Variants in SYNE1 observed in about 807,000 individuals in gnomAD.
SYNE1 encodes the protein spectrin repeat containing nuclear envelope protein 1, also known as nesprin-1.
SYNE1 carries 616 observed loss-of-function variants against 1,111.0 expected under a neutral mutation model. That is an observed-to-expected ratio of 0.55 (90% CI 0.52 to 0.59). The LOEUF (loss-of-function observed/expected upper bound fraction) is 0.59, where lower values mean the gene tolerates loss of function less well. SYNE1 is among the 20% of genes least tolerant of loss of function. The pLI is 0.00. For synonymous variants in SYNE1, 3,855 were observed against 3,825.8 expected (o/e 1.01, Z -0.28); for missense variants, 10,006 against 10,417.0 (o/e 0.96, Z 1.72).
At chr6:152,622,270 T>C (rs2099677090) in intron 3 of SYNE1, among the ~76,000 whole-genome samples, 1 of 152,206 alleles carries the variant, frequency 6.6e-6, no homozygotes, top group Admixed American at 6.5e-5. Context: ...ATAAAGTTTT[T>C]TAAACTTTTA....
chr6:152,435,688 G>C (rs1433526725), intron 33 of SYNE1: 4 of 571,626 alleles, frequency 7.0e-6, no homozygotes, highest in Non-Finnish European at 1.2e-5. Context: ...GAATAGAATA[G>C]ATATGGCTTT....
chr6:152,351,532 A>C (rs2096740383), intron 70 of SYNE1, among the ~76,000 whole-genome samples: 1 of 152,218 alleles, frequency 6.6e-6, no homozygotes, highest in Admixed American at 6.5e-5. Context: ...CCACATCACT[A>C]TTTATTCTTT....
At chr6:152,481,529 C>A (rs1463166755) in intron 14 of SYNE1, 1 of 452,502 alleles carries the variant, frequency 2.2e-6, no homozygotes, top group South Asian at 1.6e-5. Flanking sequence ...AAGAAACATG[C>A]ACATGTACCC....
chr6:152,330,752 G>A lies in SYNE1; in HGVS notation c.13933C>T (p.Leu4645=). ...TTAAATTGTCGAGGCAAAGCATTTAGCTTTTCACTGAGGTAGGAATGATCG... is the reference window on the plus strand; with the variant it reads ...TTAAATTGTCGAGGCAAAGCATTTAACTTTTCACTGAGGTAGGAATGATCG... ...EVDHSYLSEK[L]NALPRQFNVI... Residue 4645 remains leucine (L), a synonymous_variant, in exon 78 of 146, where the codon CTA becomes TTA. Transcript: ENST00000367255. The A allele has an allele frequency of 6.2e-7, 1 of 1,613,970 alleles. No homozygotes were observed. The highest frequency in any genetic ancestry group is 8.5e-7 in the Non-Finnish European group (1 of 1,180,034).
chr6:152,471,599 C>T lies in SYNE1; in HGVS notation c.1630G>A (p.Val544Met), dbSNP rs200106199. The change falls in exon 16 of 146, where the codon GTG (valine) becomes ATG (methionine). Residue 544 changes from valine to methionine, a missense_variant and splice_region_variant. Val to Met is a conservative substitution (Grantham distance 21). Around this residue, in one of 7 missense-constraint regions of SYNE1, gnomAD observed 1,971 missense variants for 2,084.1 expected, o/e 0.95. Transcript: ENST00000367255. ...ESVEQLLQNY[V>M]SFIENSKFFE... ...CTGTCAAAGCACGGGGGACTCACCA[C>T]GTAGTTTTGTAGAAGCTGCTCCACT... 5 of 1,613,782 alleles carry T rather than the reference C, an allele frequency of 3.1e-6. No individual in the cohort carries two copies. In the African/African-American group the frequency reaches 4.0e-5, roughly 13 times the overall value.
At chr6:152,635,138 G>A (rs552312502) in intron 2 of SYNE1, among the ~76,000 whole-genome samples, 6 of 152,312 alleles carry the variant, frequency 3.9e-5, no homozygotes, top group African/African-American at 1.4e-4. Flanking sequence ...TGGCAAACTA[G>A]CTTTTTCCAA....
Position 152,590,735 on chromosome 6 carries a change from T to C in SYNE1, c.67+37530A>G, listed in dbSNP as rs574537481. 5.9e-5 allele frequency among the ~76,000 whole-genome samples: 9 copies of C among 152,342 alleles called. 1 individual carries two copies. The highest frequency in any genetic ancestry group is 2.2e-4 in the African/African-American group (9 of 41,592). On this transcript the variant is annotated intron_variant, in intron 3 of 145. Transcript: ENST00000367255. ...AGGTTTCCCACCTCCACTCCATTGC[T>C]TATGCTAGTTCTCTGCCTGCCAATG... is the stretch of plus-strand genomic sequence containing the variant.
chr6:152,401,832 T>C (rs1258064339), intron 46 of SYNE1, among the ~76,000 whole-genome samples: 2 of 152,186 alleles, frequency 1.3e-5, no homozygotes. Context: ...CCCTGGATGA[T>C]ATAGCTGAGG....
At chr6:152,382,519 A>G (rs2097438317) in intron 55 of SYNE1, among the ~76,000 whole-genome samples, 1 of 152,220 alleles carries the variant, frequency 6.6e-6, no homozygotes, top group Admixed American at 6.5e-5. Context: ...GAAAGTATTT[A>G]GTATTCAGTT....
At chr6:152,299,368 T>C (rs1159892474) in intron 93 of SYNE1, among the ~76,000 whole-genome samples, 2 of 152,194 alleles carry the variant, frequency 1.3e-5, no homozygotes, top group African/African-American at 4.8e-5. Flanking sequence ...AAAATGAGAA[T>C]TTGAAAAACA....
At chr6:152,377,476 G>C (rs1299926896) in intron 56 of SYNE1, among the ~76,000 whole-genome samples, 1 of 150,782 alleles carries the variant, frequency 6.6e-6, no homozygotes, top group East Asian at 2.0e-4. Flanking sequence ...AGTTGTGGTG[G>C]TGGGCGCCTG....
rs762864343 is a variant in SYNE1, at chr6:152,390,503, T to C, written c.8005-51A>G. On this transcript the variant is annotated intron_variant, in intron 52 of 145. Coordinates refer to ENST00000367255, the MANE Select transcript of SYNE1 (RefSeq NM_182961.4). ...CAGTAGGCATGTAAAAACCTTCTTC[T>C]ATTTTAAAAAAATGGTAGTTTTCCA... The C allele has an allele frequency of 1.1e-5, 17 of 1,583,136 alleles. No individual in the cohort carries two copies. In the Admixed American group the frequency reaches 2.9e-4, roughly 27 times the overall value.
chr6:152,463,100 A>G (rs2098743809), intron 19 of SYNE1, among the ~76,000 whole-genome samples: 1 of 152,206 alleles, frequency 6.6e-6, no homozygotes, highest in Non-Finnish European at 1.5e-5. Flanking sequence ...TATGATTTGA[A>G]ACGAGAATCA....
In SYNE1 at chr6:152,589,113, G is replaced by A. The variant is rs539897216; in HGVS notation, c.67+39152C>T. On this transcript the variant is annotated intron_variant, in intron 3 of 145. Coordinates refer to ENST00000367255, the MANE Select transcript of SYNE1 (RefSeq NM_182961.4). ...GTAGAGACGGGATTTTACCACATTG[G>A]CCAGGCTGGTCTCAAACTCCTGACC... 1.2e-4 allele frequency among the ~76,000 whole-genome samples: 19 copies of A among 152,044 alleles called. No individual in the cohort carries two copies. In the South Asian group the frequency reaches 1.5e-3, roughly 12 times the overall value.
intron 46 of SYNE1, among the ~76,000 whole-genome samples, chr6:152,403,459 A>G (rs1046308265): frequency 6.6e-6 from 1 of 152,174 alleles, no homozygotes; most frequent in African/African-American, 2.4e-5. Flanking sequence ...AGTGGCTCAC[A>G]CCTGTAATCC....
chr6:152,287,889 A>G (rs1357925222), intron 95 of SYNE1, among the ~76,000 whole-genome samples: 1 of 152,180 alleles, frequency 6.6e-6, no homozygotes, highest in Non-Finnish European at 1.5e-5. Flanking sequence ...CCACCAAAAA[A>G]CTTGCTGCAA....
At chr6:152,516,106 T>A (rs13210676) in intron 6 of SYNE1, among the ~76,000 whole-genome samples, 2 of 152,006 alleles carry the variant, frequency 1.3e-5, no homozygotes. Flanking sequence ...AATGCTAAGA[T>A]AATAAGTGGG....
At position 152,255,072 on chromosome 6, in the gene SYNE1, A is replaced by G. The variant is rs772009572; in HGVS notation, c.19278T>C (p.Ile6426=). 6.2e-7 allele frequency: 1 copy of G among 1,600,066 alleles called. No homozygotes were observed. Among genetic ancestry groups the G allele is most frequent in the Non-Finnish European group, 8.5e-7 (1 of 1,171,262 alleles). ...TATCCATTTCTTCAGACATTTCCTT[A>G]ATGTCTTTGGCAAGAATCTAGAGGT... ...LFNQEILAKD[I]KEMSEEMDKN... Residue 6426 remains isoleucine (I), a synonymous_variant, in exon 104 of 146, where the codon ATT becomes ATC. Transcript: ENST00000367255.
Position 152,182,987 on chromosome 6 carries a change from G to GAACT in SYNE1, c.23302-2697_23302-2694dup, listed in dbSNP as rs1205238494. Among the ~76,000 whole-genome samples the GAACT allele has an allele frequency of 4.3e-4, 36 of 84,100 alleles. 1 individual carries two copies. The allele number at this position is 84,100 out of a possible 152,430, so 55.2% of individuals were successfully genotyped here. A position where few individuals can be genotyped will look rare whatever the true frequency, so the allele number is the denominator to read the frequency against. ...TAATACAGAACAGTCAAAGGGCAGT[G>GAACT]AACTTGGGGTAGGGCCTACTAGAAA... On this transcript the variant is annotated intron_variant, in intron 128 of 145. Coordinates refer to ENST00000367255, the MANE Select transcript of SYNE1 (RefSeq NM_182961.4).
Sources: allele counts gnomAD v4.1 joint callset (sites outside exome capture counted in the v4.1 genomes callset), GRCh38; gene constraint gnomAD v4.1.1; regional missense constraint gnomAD v4.1.1; transcripts MANE v1.5; gene names NCBI Gene and HGNC (gene_info 2026-07-23, HGNC 2026-07-21).